The following GALNT17 variants were observed in gnomAD, a reference collection of about 807,000 sequenced individuals.
The protein encoded by GALNT17 is polypeptide N-acetylgalactosaminyltransferase 17, also known as UDP-GalNAc:polypeptide N-acetylgalactosaminyltransferase-like 3.
A neutral mutation model predicts 63.7 loss-of-function variants in GALNT17; 29 were observed. The ratio of observed to expected loss-of-function variants is 0.46; its 90% CI spans 0.34 to 0.62. The LOEUF is 0.62. Among genes scored for constraint, GALNT17 ranks in the 20% least tolerant of loss-of-function variants. The pLI is 0.01. For missense variants in GALNT17, 603 were observed against 799.6 expected (o/e 0.75, Z 2.97); for synonymous variants, 305 against 318.3 (o/e 0.96, Z 0.45).
In GALNT17 at chr7:71,635,190, G is replaced by C. The variant is rs1790511560; in HGVS notation, c.1081-30221G>C. Among the ~76,000 whole-genome samples, 6 of 136,470 alleles carry C rather than the reference G, an allele frequency of 4.4e-5. No homozygotes were observed. The Admixed American group carries it at 4.9e-4, about 11-fold the overall frequency. The allele number at this position is 136,470 out of a possible 152,430, so 89.5% of individuals were successfully genotyped here. The stretch of plus-strand genomic sequence containing the variant: ...CTACTGCACTCCAGCCTGGGTGACA[G>C]AGTGAGACTCCGTCTCAAAAAAAAA... On this transcript the variant is annotated intron_variant, in intron 6 of 10. Coordinates refer to ENST00000333538, the MANE Select transcript of GALNT17 (RefSeq NM_022479.3).
In GALNT17 at chr7:71,132,859, C is replaced by G. The variant is rs546909032; in HGVS notation, c.57C>G (p.Ala19=). ...VLLVLNLIAV[A]GFVLFLAKCR... is the part of the protein sequence containing the mutation. ...TGGTGTTGAACTTGATCGCGGTAGC[C>G]GGCTTCGTGCTCTTCCTGGCCAAGT... The change falls in exon 1 of 11, where the codon GCC becomes GCG. Residue 19 remains alanine, a synonymous_variant. Transcript: ENST00000333538. 9 of 1,612,912 alleles carry G rather than the reference C, an allele frequency of 5.6e-6. No homozygotes were observed. The highest frequency in any genetic ancestry group is 4.0e-5 in the African/African-American group (3 of 75,000).
intron 3 of GALNT17, among the ~76,000 whole-genome samples, chr7:71,401,486 C>T (rs1793239948): frequency 6.6e-6 from 1 of 152,128 alleles, no homozygotes; most frequent in African/African-American, 2.4e-5. Context: ...TCCCCAACCC[C>T]CCAGGCCATA....
At chr7:71,305,356 C>A (rs965977413) in intron 1 of GALNT17, among the ~76,000 whole-genome samples, 1 of 152,124 alleles carries the variant, frequency 6.6e-6, no homozygotes, top group African/African-American at 2.4e-5. Context: ...TGGGGCAATT[C>A]TCCTTAAATT....
At chr7:71,143,415 A>G (rs2116178144) in intron 1 of GALNT17, among the ~76,000 whole-genome samples, 1 of 151,578 alleles carries the variant, frequency 6.6e-6, no homozygotes, top group African/African-American at 2.4e-5. Flanking sequence ...CTCAAAAAAA[A>G]AAAAAAAAAA....
chr7:71,321,902 C>CCTTCCTTCCTTTCTTCCTTT (rs1554353219), intron 1 of GALNT17, among the ~76,000 whole-genome samples: 1 of 70,006 alleles, frequency 1.4e-5, no homozygotes, highest in Non-Finnish European at 2.7e-5. Flanking sequence ...TTCCTTCCTT[C>CCTTCCTTCCTTTCTTCCTTT]CTTCCTTCCT....
intron 3 of GALNT17, among the ~76,000 whole-genome samples, chr7:71,394,330 G>A (rs1047983159): frequency 1.3e-5 from 2 of 152,124 alleles, no homozygotes; most frequent in Non-Finnish European, 1.5e-5. Flanking sequence ...AGCCTTTCGC[G>A]TCCATGACCC....
Position 71,335,592 on chromosome 7 carries a change from G to A in GALNT17, c.281G>A (p.Arg94Gln), listed in dbSNP as rs145721199. 4.5e-4 allele frequency: 724 copies of A among 1,610,540 alleles called. No individual in the cohort carries two copies. The highest frequency in any genetic ancestry group is 4.8e-4 in the Non-Finnish European group (568 of 1,178,508). Reference protein sequence around the residue: ...SLGLIEGYGGRGKGGLPATLS... With the variant: ...SLGLIEGYGGQGKGGLPATLS... ...GGGCTCATTGAAGGTTATGGTGGGC[G>A]GGGTAAAGGGGGCCTTCCGGCTACT... Residue 94 changes from arginine to glutamine, a missense_variant, in exon 2 of 11, where the codon CGG becomes CAG. Around this residue, in one of 3 missense-constraint regions of GALNT17, gnomAD observed 195 missense variants for 215.0 expected, o/e 0.91. Coordinates refer to ENST00000333538, the MANE Select transcript of GALNT17 (RefSeq NM_022479.3).
At chr7:71,488,896 T>TTTG in intron 5 of GALNT17, among the ~76,000 whole-genome samples, 1 of 125,792 alleles carries the variant, frequency 7.9e-6, no homozygotes, top group African/African-American at 3.0e-5. Context: ...TTCCTTTTTT[T>TTTG]TTTTTTTTTT....
intron 6 of GALNT17, among the ~76,000 whole-genome samples, chr7:71,602,957 C>G (rs1200719905): frequency 6.6e-6 from 1 of 152,158 alleles, no homozygotes; most frequent in Non-Finnish European, 1.5e-5. Flanking sequence ...AGTGCATACA[C>G]TGGATACTAT....
At chr7:71,134,330 T>G (rs1288875873) in intron 1 of GALNT17, among the ~76,000 whole-genome samples, 1 of 152,214 alleles carries the variant, frequency 6.6e-6, no homozygotes, top group African/African-American at 2.4e-5. Flanking sequence ...TATGTGGAAT[T>G]GCAAATACAG....
At chr7:71,644,222 T>G (rs1400173094) in intron 6 of GALNT17, among the ~76,000 whole-genome samples, 1 of 151,252 alleles carries the variant, frequency 6.6e-6, no homozygotes, top group East Asian at 1.9e-4. Flanking sequence ...GGCAACATAG[T>G]GACATACCGA....
chr7:71,385,994 G>A (rs1053576364), intron 2 of GALNT17, among the ~76,000 whole-genome samples: 1 of 152,192 alleles, frequency 6.6e-6, no homozygotes, highest in African/African-American at 2.4e-5. Flanking sequence ...CTCAGGCCAG[G>A]AGTTCGAGAC....
intron 1 of GALNT17, among the ~76,000 whole-genome samples, chr7:71,202,821 A>AT (rs1789199573): frequency 6.6e-6 from 1 of 152,162 alleles, no homozygotes; most frequent in Admixed American, 6.6e-5. Context: ...CTCTGCTTCT[A>AT]TAAGTTTGAC....
At position 71,363,030 on chromosome 7, in the gene GALNT17, G is replaced by A. The variant is rs981834812; in HGVS notation, c.423-25205G>A. Reference sequence around the variant, plus strand: ...CACCCAGGCTGGAGTGCCGTGGCCCGATCTCAGCTGACCGCAACCTCCATC... The same window carrying A: ...CACCCAGGCTGGAGTGCCGTGGCCCAATCTCAGCTGACCGCAACCTCCATC... On this transcript the variant is annotated intron_variant, in intron 2 of 10. Transcript: ENST00000333538. Among the ~76,000 whole-genome samples, 7 of 151,728 alleles carry A rather than the reference G, an allele frequency of 4.6e-5. No individual in the cohort carries two copies. In the South Asian group the frequency reaches 1.0e-3, roughly 23 times the overall value.
In GALNT17 at chr7:71,391,243, G is replaced by A. The variant is rs115209477; in HGVS notation, c.589+2842G>A. ...CAGAGAGGAGCATGAACTGCAGATCGGGCTGGATTGGGGTGAAGACTCACT... is the reference window on the plus strand; with the variant it reads ...CAGAGAGGAGCATGAACTGCAGATCAGGCTGGATTGGGGTGAAGACTCACT... On this transcript the variant is annotated intron_variant, in intron 3 of 10. Transcript: ENST00000333538. 4.0e-3 allele frequency among the ~76,000 whole-genome samples: 609 copies of A among 152,274 alleles called. 3 individuals carry two copies. The highest frequency in any genetic ancestry group is 0.014 in the African/African-American group (569 of 41,562).
chr7:71,143,136 T>C (rs1433668492), intron 1 of GALNT17, among the ~76,000 whole-genome samples: 3 of 150,368 alleles, frequency 2.0e-5, no homozygotes, highest in Non-Finnish European at 4.4e-5. Context: ...AAATGGATGC[T>C]CTTGGCCGAG....
At chr7:71,186,746 AAAC>A (rs1788857527) in intron 1 of GALNT17, among the ~76,000 whole-genome samples, 1 of 152,164 alleles carries the variant, frequency 6.6e-6, no homozygotes, top group African/African-American at 2.4e-5. Context: ...GCCAGTACCA[AAAC>A]GAAAGCGAGA....
intron 1 of GALNT17, among the ~76,000 whole-genome samples, chr7:71,195,765 T>G (rs982722358): frequency 1.3e-5 from 2 of 152,052 alleles, no homozygotes; most frequent in Non-Finnish European, 2.9e-5. Context: ...CCCAGGCTCA[T>G]CTGGAACTCC....
chr7:71,330,804 G>A (rs530147089), intron 1 of GALNT17, among the ~76,000 whole-genome samples: 1 of 152,280 alleles, frequency 6.6e-6, no homozygotes, highest in East Asian at 1.9e-4. Flanking sequence ...ATATAGAGCA[G>A]AAAAGAAAAA....
Sources: gnomAD v4.1 joint callset for allele counts (sites outside exome capture counted in the v4.1 genomes callset) on GRCh38, gnomAD v4.1.1 for gene constraint, gnomAD v4.1.1 regional missense constraint, MANE v1.5 for transcripts, NCBI Gene and HGNC (gene_info 2026-07-23, HGNC 2026-07-21) for gene names.